The following PTPRT variants were observed in gnomAD, a reference collection of about 807,000 sequenced individuals.
The protein encoded by PTPRT is receptor-type tyrosine-protein phosphatase T.
Under a neutral mutation model 176.8 loss-of-function variants are expected in PTPRT, and 56 were observed. That is an observed-to-expected ratio of 0.32 (90% confidence interval 0.26 to 0.40). The LOEUF is 0.40. Among genes scored for constraint, PTPRT ranks in the 10% least tolerant of loss-of-function variants. The probability of loss-of-function intolerance (pLI) is 1.00; values close to 1 mark genes in which losing one functional copy is unlikely to be tolerated. For synonymous variants in PTPRT, 783 were observed against 739.0 expected, an observed-to-expected ratio of 1.06 and a Z score of -0.96; for missense variants, 1,540 against 1,908.2, an observed-to-expected ratio of 0.81 and a Z score of 3.60.
At position 42,915,926 on chromosome 20, in the gene PTPRT, C is replaced by T. The variant is rs542111604; in HGVS notation, c.89-29994G>A. On this transcript the variant is annotated intron_variant, in intron 1 of 30. Transcript: ENST00000373187. ...CGCTATTGTTTTTAAATGCCATTTC[C>T]CTCATGAGTGCCCAATTGTTGTTGT... Among the ~76,000 whole-genome samples, 43 of 151,640 alleles carry T rather than the reference C, an allele frequency of 2.8e-4. 2 individuals carry two copies. The South Asian group carries it at 9.0e-3, about 32-fold the overall frequency.
At chr20:42,107,452 G>A (rs780435476) in intron 23 of PTPRT, among the ~76,000 whole-genome samples, 4 of 152,350 alleles carry the variant, frequency 2.6e-5, no homozygotes, top group African/African-American at 4.8e-5. Flanking sequence ...GCAGCTGACC[G>A]TCCGGAGACC....
rs769857638 is a variant in PTPRT, at chr20:42,472,534, T to C, written c.1182A>G (p.Glu394=). 6.2e-7 allele frequency: 1 copy of C among 1,614,104 alleles called. No individual in the cohort carries two copies. Among genetic ancestry groups the C allele is most frequent in the Non-Finnish European group, 8.5e-7 (1 of 1,180,032 alleles). The change falls in exon 8 of 31, where the codon GAA becomes GAG. Residue 394 remains glutamate, a synonymous_variant. Coordinates refer to ENST00000373187, the MANE Select transcript of PTPRT (RefSeq NM_007050.6). The part of the protein sequence containing the change: ...ADPVHGPQNV[E]IVDIRARQLT... The stretch of plus-strand genomic sequence containing the variant: ...GCTGCCGGGCTCTGATGTCTACGAT[T>C]TCCACGTTCTGTGGGCCATGTACCG...
chr20:43,051,563 ATT>A (rs1432788538), intron 1 of PTPRT, among the ~76,000 whole-genome samples: 1 of 146,440 alleles, frequency 6.8e-6, no homozygotes, highest in Non-Finnish European at 1.5e-5. Flanking sequence ...CAATCCACCC[ATT>A]TCAGGAAGCT....
At chr20:43,084,751 A>G (rs997182190) in intron 1 of PTPRT, among the ~76,000 whole-genome samples, 7 of 152,196 alleles carry the variant, frequency 4.6e-5, no homozygotes, top group African/African-American at 1.7e-4. Context: ...AGATAAGTAT[A>G]TGAAATTTAT....
chr20:42,168,181 A>T (rs1251555467), intron 16 of PTPRT, among the ~76,000 whole-genome samples: 1 of 152,100 alleles, frequency 6.6e-6, no homozygotes, highest in East Asian at 1.9e-4. Context: ...GAGGAGGAGG[A>T]GGAGGAAGAA....
In PTPRT at chr20:42,079,438, G is replaced by T. The variant is rs977323706; in HGVS notation, c.*1441C>A. ...AGGATTTCATTACTAAGGAAGGTGC[G>T]TGGGTTTCCTCATTGGAGGAGATGA... On this transcript the variant is annotated 3_prime_UTR_variant, in exon 31 of 31. Transcript: ENST00000373187. 4.6e-6 allele frequency: 1 copy of T among 219,364 alleles called. No individual in the cohort carries two copies. The allele number at this position is 219,364 out of a possible 1,614,324, so 13.6% of individuals were successfully genotyped here. A position where few individuals can be genotyped will look rare whatever the true frequency, so the allele number is the denominator to read the frequency against.
chr20:43,096,748 A>C (rs2012186096), intron 1 of PTPRT, among the ~76,000 whole-genome samples: 1 of 152,192 alleles, frequency 6.6e-6, no homozygotes, highest in African/African-American at 2.4e-5. Context: ...AATCTAGTGC[A>C]TTGCAGGGAG....
chr20:42,415,588 G>T (rs1406843201), intron 9 of PTPRT, among the ~76,000 whole-genome samples: 1 of 152,148 alleles, frequency 6.6e-6, no homozygotes, highest in Admixed American at 6.5e-5. Flanking sequence ...TAATAGTAAT[G>T]ACCTCAGATG....
chr20:42,319,081 A>G (rs6130103), intron 11 of PTPRT, among the ~76,000 whole-genome samples: 67,369 of 151,970 alleles, frequency 0.44, 15,648 homozygotes, highest in African/African-American at 0.58. Context: ...CAGCCTGTAT[A>G]TCCCCATCAG....
At position 42,089,354 on chromosome 20, in the gene PTPRT, A is replaced by G. The variant is rs548358673; in HGVS notation, c.3847-3501T>C. On this transcript the variant is annotated intron_variant, in intron 27 of 30. Coordinates refer to ENST00000373187, the MANE Select transcript of PTPRT (RefSeq NM_007050.6). ...ATTAAAAAAAATAATTGCCTTTATC[A>G]CCTGCACTGAATTTAGGGTTCCTAG... Among the ~76,000 whole-genome samples, 3 of 152,238 alleles carry G rather than the reference A, an allele frequency of 2.0e-5. No individual in the cohort carries two copies. In the East Asian group the frequency reaches 5.8e-4, roughly 29 times the overall value.
chr20:42,888,071 G>C (rs190141218), intron 1 of PTPRT, among the ~76,000 whole-genome samples: 30 of 152,158 alleles, frequency 2.0e-4, no homozygotes, highest in Admixed American at 1.8e-3. Context: ...AGAACTATGA[G>C]CAATAACTTT....
At chr20:43,023,949 GC>G (rs2146182529) in intron 1 of PTPRT, among the ~76,000 whole-genome samples, 1 of 152,230 alleles carries the variant, frequency 6.6e-6, no homozygotes, top group East Asian at 1.9e-4. Context: ...GATGCCTAAT[GC>G]CCCTGAATTG....
intron 9 of PTPRT, among the ~76,000 whole-genome samples, chr20:42,421,428 C>T (rs76195514): frequency 0.026 from 4,023 of 152,194 alleles, 120 homozygotes; most frequent in African/African-American, 0.068. Flanking sequence ...GAGATTATCA[C>T]AGTCAGGACA....
intron 7 of PTPRT, among the ~76,000 whole-genome samples, chr20:42,593,078 C>A (rs761846197): frequency 6.6e-6 from 1 of 152,148 alleles, no homozygotes; most frequent in Non-Finnish European, 1.5e-5. Context: ...GTAGTGAATG[C>A]ACAGAAAGGC....
chr20:42,840,811 C>T (rs918017516), intron 2 of PTPRT, among the ~76,000 whole-genome samples: 1 of 152,162 alleles, frequency 6.6e-6, no homozygotes, highest in Non-Finnish European at 1.5e-5. Context: ...CTCTGCCTGC[C>T]CATTGCCTGA....
At chr20:42,708,017 T>A (rs559246350) in intron 6 of PTPRT, among the ~76,000 whole-genome samples, 2 of 152,306 alleles carry the variant, frequency 1.3e-5, no homozygotes, top group Non-Finnish European at 2.9e-5. Context: ...GTAGGTACAT[T>A]CACTCCTTAA....
chr20:42,699,185 C>T (rs1467985192), intron 6 of PTPRT, among the ~76,000 whole-genome samples: 2 of 152,190 alleles, frequency 1.3e-5, no homozygotes, highest in East Asian at 3.9e-4. Context: ...CACATATTTA[C>T]ACTGATCACA....
At chr20:43,085,964 C>T (rs917871840) in intron 1 of PTPRT, among the ~76,000 whole-genome samples, 2 of 152,050 alleles carry the variant, frequency 1.3e-5, no homozygotes, top group South Asian at 2.1e-4. Flanking sequence ...CCCACCCCCC[C>T]ACAACTGAAA....
chr20:42,842,102 C>A (rs1201822639), intron 2 of PTPRT, among the ~76,000 whole-genome samples: 4 of 152,222 alleles, frequency 2.6e-5, no homozygotes, highest in African/African-American at 9.6e-5. Flanking sequence ...TACAAGAAGA[C>A]CTTCTCTTAG....
Sources: gnomAD v4.1 joint callset for allele counts (sites outside exome capture counted in the v4.1 genomes callset) on GRCh38, gnomAD v4.1.1 for gene constraint, MANE v1.5 for transcripts, NCBI Gene and HGNC (gene_info 2026-07-23, HGNC 2026-07-21) for gene names.